Variants in LRRTM4 observed in about 807,000 individuals in gnomAD.
LRRTM4 encodes the protein leucine-rich repeat transmembrane neuronal protein 4.
In LRRTM4, 25 loss-of-function variants were observed where a neutral mutation model predicts 47.6. That is an observed-to-expected ratio of 0.53 (90% CI 0.38 to 0.73). The LOEUF (loss-of-function observed/expected upper bound fraction) is 0.73, where lower values mean the gene tolerates loss of function less well. LRRTM4 is among the 30% of genes least tolerant of loss of function. The pLI is 0.00. For synonymous variants in LRRTM4, 311 were observed against 269.5 expected, an observed-to-expected ratio of 1.15 and a Z score of -1.51; for missense variants, 638 against 713.4, an observed-to-expected ratio of 0.89 and a Z score of 1.20.
At chr2:77,313,106 T>G (rs1357845336) in intron 3 of LRRTM4, among the ~76,000 whole-genome samples, 1 of 152,192 alleles carries the variant, frequency 6.6e-6, no homozygotes, top group African/African-American at 2.4e-5. Context: ...AAAAACAGCC[T>G]GCTGGGACCT....
intron 3 of LRRTM4, among the ~76,000 whole-genome samples, chr2:77,401,502 C>T (rs1198235969): frequency 6.6e-6 from 1 of 151,814 alleles, no homozygotes; most frequent in African/African-American, 2.4e-5. Context: ...CTTATCCTCT[C>T]TAGAATATAA....
intron 3 of LRRTM4, among the ~76,000 whole-genome samples, chr2:76,870,984 T>C (rs1207533707): frequency 6.6e-6 from 1 of 152,182 alleles, no homozygotes. Context: ...ATAAGTCCAC[T>C]ACTCCTGACT....
At chr2:76,859,660 T>TA (rs1276654811) in intron 3 of LRRTM4, among the ~76,000 whole-genome samples, 1 of 152,174 alleles carries the variant, frequency 6.6e-6, no homozygotes, top group African/African-American at 2.4e-5. Context: ...GACAATCGTA[T>TA]ACTCCATGTA....
rs534137521 is a variant in LRRTM4, at chr2:77,156,849, G to C, written c.1551+361469C>G. Among the ~76,000 whole-genome samples, 10 of 151,810 alleles carry C rather than the reference G, an allele frequency of 6.6e-5. No individual in the cohort carries two copies. In the South Asian group the frequency reaches 1.5e-3, roughly 22 times the overall value. ...CGCCTCCCAAAGTGATGGGACTATA[G>C]ATGTGAGCTACAGGGCCTGGCTCAA... is the stretch of plus-strand genomic sequence containing the variant. On this transcript the variant is annotated intron_variant, in intron 3 of 3. Transcript: ENST00000409884.
At chr2:76,755,562 C>T (rs1019739972) in intron 3 of LRRTM4, among the ~76,000 whole-genome samples, 9 of 152,008 alleles carry the variant, frequency 5.9e-5, no homozygotes, top group African/African-American at 1.7e-4. Flanking sequence ...GCATATCGTT[C>T]GATGCAGCTA....
intron 3 of LRRTM4, among the ~76,000 whole-genome samples, chr2:76,779,986 G>T (rs907403415): frequency 6.6e-6 from 1 of 152,090 alleles, no homozygotes; most frequent in Non-Finnish European, 1.5e-5. Context: ...GCATTTGCTT[G>T]TCTGTAAAGT....
intron 3 of LRRTM4, among the ~76,000 whole-genome samples, chr2:77,153,505 G>A (rs1672482242): frequency 6.6e-6 from 1 of 152,076 alleles, no homozygotes; most frequent in Non-Finnish European, 1.5e-5. Context: ...GATAAATACA[G>A]TTATTACCAT....
intron 3 of LRRTM4, among the ~76,000 whole-genome samples, chr2:77,360,509 TACG>T (rs1558706228): frequency 3.3e-5 from 5 of 150,480 alleles, no homozygotes; most frequent in Non-Finnish European, 5.9e-5. Flanking sequence ...TACGATACGA[TACG>T]ATACGATACG....
chr2:77,197,794 A>G (rs1272227429), intron 3 of LRRTM4, among the ~76,000 whole-genome samples: 1 of 152,218 alleles, frequency 6.6e-6, no homozygotes, highest in Admixed American at 6.5e-5. Context: ...ATTATGATAC[A>G]GAGTGACAGA....
rs183030875 is a variant in LRRTM4 at position 77,136,804 on chromosome 2, A to G, written c.1551+381514T>C. ...AAATGACCTGAGGGAGCTGAAAACA[A>G]TGGCACACGAACTATGTGATGAATG... is the stretch of plus-strand genomic sequence containing the variant. On this transcript the variant is annotated intron_variant, in intron 3 of 3. Coordinates refer to ENST00000409884, the MANE Select transcript of LRRTM4 (RefSeq NM_001134745.3). 1.2e-3 allele frequency among the ~76,000 whole-genome samples: 177 copies of G among 152,068 alleles called. 2 individuals carry two copies. The highest frequency in any genetic ancestry group is 3.1e-4 in the Non-Finnish European group (21 of 68,024).
chr2:77,312,192 A>G lies in LRRTM4; in HGVS notation c.1551+206126T>C, dbSNP rs906501170. 4.6e-5 allele frequency among the ~76,000 whole-genome samples: 7 copies of G among 152,274 alleles called. No homozygotes were observed. In the South Asian group the frequency reaches 1.2e-3, roughly 27 times the overall value. ...CAATTTTTCTCATCTATTTCTCAAA[A>G]TATATTCTCTTCTACAAAAGTGTGT... is the stretch of plus-strand genomic sequence containing the variant. On this transcript the variant is annotated intron_variant, in intron 3 of 3. Transcript: ENST00000409884.
chr2:77,436,412 A>C (rs1416049611), intron 3 of LRRTM4, among the ~76,000 whole-genome samples: 1 of 151,976 alleles, frequency 6.6e-6, no homozygotes, highest in Non-Finnish European at 1.5e-5. Context: ...AAATTAAATT[A>C]ATTATATGTG....
chr2:77,352,825 A>G (rs891481439), intron 3 of LRRTM4, among the ~76,000 whole-genome samples: 6 of 152,154 alleles, frequency 3.9e-5, no homozygotes, highest in African/African-American at 9.7e-5. Context: ...TAGAGAAACA[A>G]AAAATAACAT....
intron 3 of LRRTM4, among the ~76,000 whole-genome samples, chr2:77,267,715 T>C (rs1181584112): frequency 6.8e-6 from 1 of 146,584 alleles, no homozygotes; most frequent in African/African-American, 2.5e-5. Flanking sequence ...TTTTTGATAA[T>C]GCTCCTTTCA....
intron 3 of LRRTM4, among the ~76,000 whole-genome samples, chr2:77,145,203 A>G (rs1388253540): frequency 1.4e-5 from 2 of 147,956 alleles, no homozygotes; most frequent in Admixed American, 6.8e-5. Flanking sequence ...ACAGATATGT[A>G]TGTGTGTGTG....
chr2:77,317,905 G>T (rs1470463103), intron 3 of LRRTM4, among the ~76,000 whole-genome samples: 4 of 151,358 alleles, frequency 2.6e-5, no homozygotes, highest in African/African-American at 9.7e-5. Flanking sequence ...TGTTAACAAA[G>T]GCTCACATGA....
chr2:77,253,011 C>A (rs1438440606), intron 3 of LRRTM4, among the ~76,000 whole-genome samples: 1 of 151,980 alleles, frequency 6.6e-6, no homozygotes, highest in African/African-American at 2.4e-5. Context: ...CCCAATAATT[C>A]TCTCCCTGCC....
intron 3 of LRRTM4, among the ~76,000 whole-genome samples, chr2:77,070,221 G>A (rs559684389): frequency 2.6e-5 from 4 of 151,872 alleles, no homozygotes; most frequent in Admixed American, 6.6e-5. Context: ...TTCTTACAGA[G>A]GCTCAGTCAT....
At chr2:76,914,542 G>C (rs999533816) in intron 3 of LRRTM4, among the ~76,000 whole-genome samples, 1 of 152,050 alleles carries the variant, frequency 6.6e-6, no homozygotes, top group African/African-American at 2.4e-5. Context: ...AGGATTATAA[G>C]TATATTATTA....
Sources: allele counts gnomAD v4.1 joint callset (sites outside exome capture counted in the v4.1 genomes callset), GRCh38; gene constraint gnomAD v4.1.1; transcripts MANE v1.5; gene names NCBI Gene and HGNC (gene_info 2026-07-23, HGNC 2026-07-21).